The following AOAH variants were observed in gnomAD, a reference collection of about 807,000 sequenced individuals.
AOAH encodes the protein acyloxyacyl hydrolase (neutrophil).
Under a neutral mutation model 92.2 loss-of-function variants are expected in AOAH, and 64 were observed. The ratio of observed to expected loss-of-function variants is 0.69; its 90% CI spans 0.57 to 0.86. The LOEUF is 0.86. AOAH is among the 40% of genes least tolerant of loss of function. The pLI, the probability that AOAH is intolerant of heterozygous loss-of-function variation, is 0.00. For synonymous variants in AOAH, 263 were observed against 254.5 expected (o/e 1.03, Z -0.32); for missense variants, 656 against 694.6 (o/e 0.94, Z 0.62).
chr7:36,603,931 C>T (rs919212691), intron 11 of AOAH, among the ~76,000 whole-genome samples: 1 of 152,200 alleles, frequency 6.6e-6, no homozygotes, highest in Non-Finnish European at 1.5e-5. Context: ...CTATATTCTG[C>T]TATAGCAAGA....
At chr7:36,702,246 A>G (rs1423525890) in intron 1 of AOAH, among the ~76,000 whole-genome samples, 1 of 152,166 alleles carries the variant, frequency 6.6e-6, no homozygotes, top group Admixed American at 6.5e-5. Context: ...ACATATTTAC[A>G]TTCCTAGTGC....
chr7:36,647,641 G>C (rs1794302999), intron 4 of AOAH, among the ~76,000 whole-genome samples: 1 of 152,168 alleles, frequency 6.6e-6, no homozygotes, highest in African/African-American at 2.4e-5. Flanking sequence ...ACACCTCTAT[G>C]AGTTTAATAG....
intron 5 of AOAH, 147 bp downstream of exon 5, chr7:36,637,704 T>A (rs1162330813): frequency 2.8e-6 from 2 of 726,026 alleles, no homozygotes; most frequent in East Asian, 2.7e-5. Context: ...TGGAAGCAGT[T>A]CACATTCCTA....
chr7:36,546,738 T>C lies in AOAH; in HGVS notation c.1133+1874A>G, dbSNP rs1041107524. On this transcript the variant is annotated intron_variant, in intron 15 of 20. Transcript: ENST00000617537. The stretch of plus-strand genomic sequence containing the variant: ...CTGTTCCTCTCTGGAGGACATGCTC[T>C]GGGGGCTGGGGGAGCAATGGCTGGT... Among the ~76,000 whole-genome samples, 3 of 152,222 alleles carry C rather than the reference T, an allele frequency of 2.0e-5. 1 individual carries two copies. Among genetic ancestry groups the C allele is most frequent in the Admixed American group, 2.0e-4 (3 of 15,276 alleles).
intron 13 of AOAH, among the ~76,000 whole-genome samples, chr7:36,553,008 G>A (rs1004789985): frequency 6.7e-6 from 1 of 148,650 alleles, no homozygotes; most frequent in Non-Finnish European, 1.5e-5. Context: ...TAGGGTACAT[G>A]TGCACAATGT....
intron 4 of AOAH, among the ~76,000 whole-genome samples, chr7:36,650,988 A>G (rs564858780): frequency 6.6e-6 from 1 of 152,312 alleles, no homozygotes; most frequent in African/African-American, 2.4e-5. Context: ...CTGGCCATGC[A>G]GGGAACTGGG....
At chr7:36,631,932 G>T in intron 6 of AOAH, 104 bp downstream of exon 6, 1 of 806,730 alleles carries the variant, frequency 1.2e-6, no homozygotes, top group Non-Finnish European at 2.0e-6. Context: ...TCACCTTCAG[G>T]GATGCCTTTT....
rs541202249 is a variant in AOAH at position 36,520,382 on chromosome 7, G to A, written c.1599+1657C>T. ...AGGGTAAGATGCTATTCTGTGCAGA[G>A]AATGATAAGAACTAGTACCTAATAA... On this transcript the variant is annotated intron_variant, in intron 20 of 20. Coordinates refer to ENST00000617537, the MANE Select transcript of AOAH (RefSeq NM_001637.4). Among the ~76,000 whole-genome samples, 238 of 152,304 alleles carry A rather than the reference G, an allele frequency of 1.6e-3. 1 individual carries two copies. Among genetic ancestry groups the A allele is most frequent in the African/African-American group, 5.5e-3 (228 of 41,562 alleles).
intron 6 of AOAH, among the ~76,000 whole-genome samples, chr7:36,627,486 T>C (rs909518855): frequency 6.6e-6 from 1 of 152,126 alleles, no homozygotes; most frequent in Non-Finnish European, 1.5e-5. Flanking sequence ...GTGCCTCAGT[T>C]TTCTCATTGG....
intron 19 of AOAH, among the ~76,000 whole-genome samples, chr7:36,524,732 G>T (rs958630266): frequency 6.6e-6 from 1 of 151,386 alleles, no homozygotes; most frequent in African/African-American, 2.4e-5. Flanking sequence ...CAGAGGGCTC[G>T]CTCACTCTTT....
chr7:36,610,976 G>T (rs1387074361), intron 11 of AOAH, among the ~76,000 whole-genome samples: 1 of 152,210 alleles, frequency 6.6e-6, no homozygotes, highest in Non-Finnish European at 1.5e-5. Context: ...GGACGCACGG[G>T]TGAGAAGAAA....
intron 1 of AOAH, among the ~76,000 whole-genome samples, chr7:36,688,794 T>C (rs895757295): frequency 2.6e-5 from 4 of 151,368 alleles, no homozygotes; most frequent in African/African-American, 9.8e-5. Context: ...TGAGTATATA[T>C]ATATACACAC....
At chr7:36,515,893 C>G (rs1783660079) in intron 20 of AOAH, among the ~76,000 whole-genome samples, 1 of 143,480 alleles carries the variant, frequency 7.0e-6, no homozygotes, top group South Asian at 2.3e-4. Flanking sequence ...ACCATGCACA[C>G]CACACCCCTC....
At chr7:36,599,445 T>C (rs1790381677) in intron 11 of AOAH, among the ~76,000 whole-genome samples, 1 of 148,510 alleles carries the variant, frequency 6.7e-6, no homozygotes, top group South Asian at 2.2e-4. Flanking sequence ...TGCACTGCTG[T>C]GGACAATCTA....
At chr7:36,670,963 C>T (rs536242897) in intron 3 of AOAH, among the ~76,000 whole-genome samples, 1 of 152,192 alleles carries the variant, frequency 6.6e-6, no homozygotes, top group East Asian at 1.9e-4. Flanking sequence ...ATTACCCAGG[C>T]CACTTCTCGG....
chr7:36,684,448 T>C (rs946362747), intron 2 of AOAH, among the ~76,000 whole-genome samples: 3 of 152,174 alleles, frequency 2.0e-5, no homozygotes, highest in African/African-American at 4.8e-5. Context: ...ATCCTGCCTT[T>C]CCTAGATGCC....
intron 12 of AOAH, among the ~76,000 whole-genome samples, chr7:36,587,059 C>G (rs113674321): frequency 0.24 from 36,415 of 151,518 alleles, 5,428 homozygotes; most frequent in African/African-American, 0.41. Context: ...ATTGCCTGAG[C>G]TCAGGAGTTC....
intron 11 of AOAH, among the ~76,000 whole-genome samples, chr7:36,605,901 C>T (rs886513559): frequency 6.6e-6 from 1 of 152,186 alleles, no homozygotes; most frequent in African/African-American, 2.4e-5. Flanking sequence ...ACGGTGAACA[C>T]AACTCTCTTT....
chr7:36,691,159 G>A (rs1797373145), intron 1 of AOAH, among the ~76,000 whole-genome samples: 1 of 152,050 alleles, frequency 6.6e-6, no homozygotes. Context: ...AATGTTTTTT[G>A]CATATATTAT....
Sources: gnomAD v4.1 joint callset for allele counts (sites outside exome capture counted in the v4.1 genomes callset) on GRCh38, gnomAD v4.1.1 for gene constraint, MANE v1.5 for transcripts, NCBI Gene and HGNC (gene_info 2026-07-23, HGNC 2026-07-21) for gene names.